SCMH1: variants seen among roughly 807,000 people sequenced by gnomAD.
SCMH1 encodes the protein polycomb protein SCMH1.
In SCMH1, 37 loss-of-function variants were observed where a neutral mutation model predicts 70.8. The observed-to-expected ratio is 0.52, with a 90% CI of 0.40 to 0.69. The LOEUF is 0.69. SCMH1 is among the 30% of genes least tolerant of loss of function. The pLI is 0.00. For missense variants in SCMH1, 607 were observed against 827.3 expected, an observed-to-expected ratio of 0.73 and a Z score of 3.27; for synonymous variants, 292 against 307.4, an observed-to-expected ratio of 0.95 and a Z score of 0.52.
At chr1:41,179,498 T>C (rs1383552849) in intron 2 of SCMH1, among the ~76,000 whole-genome samples, 2 of 150,840 alleles carry the variant, frequency 1.3e-5, no homozygotes, top group African/African-American at 4.9e-5. Flanking sequence ...GAGAGAAGAA[T>C]CAAATAGATG....
intron 8 of SCMH1, among the ~76,000 whole-genome samples, chr1:41,078,156 G>A (rs1658934740): frequency 6.6e-6 from 1 of 151,908 alleles, no homozygotes; most frequent in African/African-American, 2.4e-5. Context: ...CCAATAGAAA[G>A]GATTAATAAA....
chr1:41,098,267 T>A (rs1464791873), intron 8 of SCMH1, among the ~76,000 whole-genome samples: 1 of 152,254 alleles, frequency 6.6e-6, no homozygotes, highest in Non-Finnish European at 1.5e-5. Context: ...TTATTTATTA[T>A]CATACAAACA....
chr1:41,065,088 TAAG>T (rs907723092), intron 10 of SCMH1, among the ~76,000 whole-genome samples: 1 of 152,240 alleles, frequency 6.6e-6, no homozygotes, highest in Non-Finnish European at 1.5e-5. Context: ...TGTTCATGGA[TAAG>T]AAGACTTAAT....
chr1:41,110,122 C>T (rs1247665465), intron 8 of SCMH1, among the ~76,000 whole-genome samples: 1 of 152,198 alleles, frequency 6.6e-6, no homozygotes, highest in Non-Finnish European at 1.5e-5. Context: ...GTACTTGTTT[C>T]TTGCATCACA....
At chr1:41,101,222 T>C (rs759397294) in intron 8 of SCMH1, among the ~76,000 whole-genome samples, 1 of 152,232 alleles carries the variant, frequency 6.6e-6, no homozygotes, top group Non-Finnish European at 1.5e-5. Context: ...ACAGTATTTT[T>C]AGACATTTGT....
chr1:41,219,645 C>T (rs759710613), intron 1 of SCMH1, among the ~76,000 whole-genome samples: 7 of 152,132 alleles, frequency 4.6e-5, no homozygotes, highest in South Asian at 2.1e-4. Flanking sequence ...AATAGAAAAA[C>T]GTGGCCGGGC....
At chr1:41,179,737 A>G (rs1414019071) in intron 2 of SCMH1, among the ~76,000 whole-genome samples, 1 of 152,196 alleles carries the variant, frequency 6.6e-6, no homozygotes, top group African/African-American at 2.4e-5. Context: ...TTACCAACGA[A>G]AAAAAGTCCT....
intron 1 of SCMH1, among the ~76,000 whole-genome samples, chr1:41,207,317 T>G (rs1042909909): frequency 2.0e-5 from 3 of 151,976 alleles, no homozygotes; most frequent in Non-Finnish European, 2.9e-5. Context: ...GAGACACACA[T>G]GGGCTCAAAA....
intron 4 of SCMH1, chr1:41,159,679 A>C: frequency 6.6e-7 from 1 of 1,505,410 alleles, no homozygotes; most frequent in Non-Finnish European, 8.9e-7. Context: ...AGTTTTAAAG[A>C]ATAATAAAAA....
At chr1:41,053,779 T>C (rs1244658950) in intron 10 of SCMH1, among the ~76,000 whole-genome samples, 1 of 151,802 alleles carries the variant, frequency 6.6e-6, no homozygotes, top group African/African-American at 2.4e-5. Context: ...CCACACAGAG[T>C]GTCAGTGAAA....
intron 12 of SCMH1, among the ~76,000 whole-genome samples, chr1:41,041,092 T>G (rs927082832): frequency 6.6e-6 from 1 of 152,122 alleles, no homozygotes; most frequent in African/African-American, 2.4e-5. Context: ...TCCATGCTCA[T>G]AACCGAGCTT....
chr1:41,164,822 G>A (rs1363733739), intron 2 of SCMH1, among the ~76,000 whole-genome samples: 1 of 151,838 alleles, frequency 6.6e-6, no homozygotes, highest in Non-Finnish European at 1.5e-5. Context: ...TACACATTGT[G>A]GAATGATCAC....
At chr1:41,160,594 T>G (rs1390229134) in intron 4 of SCMH1, among the ~76,000 whole-genome samples, 4 of 152,186 alleles carry the variant, frequency 2.6e-5, no homozygotes, top group Non-Finnish European at 5.9e-5. Flanking sequence ...AGATGGTATT[T>G]CCAGTTTGGT....
chr1:41,068,055 G>GT, intron 10 of SCMH1, among the ~76,000 whole-genome samples: 1 of 152,322 alleles, frequency 6.6e-6, no homozygotes, highest in East Asian at 1.9e-4. Flanking sequence ...GGGAAGTAGA[G>GT]TATAAGCATT....
intron 8 of SCMH1, among the ~76,000 whole-genome samples, chr1:41,107,496 T>G (rs962359640): frequency 6.6e-6 from 1 of 151,790 alleles, no homozygotes; most frequent in Non-Finnish European, 1.5e-5. Flanking sequence ...TCTATCCTAG[T>G]TTTTCTCTCT....
intron 8 of SCMH1, among the ~76,000 whole-genome samples, chr1:41,090,484 T>C (rs879829397): frequency 1.3e-5 from 2 of 151,918 alleles, no homozygotes; most frequent in Non-Finnish European, 2.9e-5. Context: ...GGAGGAGTAC[T>C]GAAATAACCT....
rs547325268 is a variant in SCMH1 at position 41,240,561 on chromosome 1, A to T, written c.-118+1498T>A. On this transcript the variant is annotated intron_variant, in intron 1 of 14. Coordinates refer to ENST00000337495, the Ensembl canonical transcript of SCMH1. ...TAGGTCTCAATCCTTTTCAGAGTTT[A>T]AAAAAAAAAAAAGAGCTATTCTATT... Among the ~76,000 whole-genome samples, 20 of 113,198 alleles carry T rather than the reference A, an allele frequency of 1.8e-4. No individual in the cohort carries two copies. In the East Asian group the frequency reaches 5.3e-3, roughly 30 times the overall value. The allele number at this position is 113,198 out of a possible 152,430, so 74.3% of individuals were successfully genotyped here.
Position 41,107,725 on chromosome 1 carries a change from G to A in SCMH1, c.745+5558C>T, listed in dbSNP as rs187869328. Among the ~76,000 whole-genome samples, 6 of 152,210 alleles carry A rather than the reference G, an allele frequency of 3.9e-5. No homozygotes were observed. In the East Asian group the frequency reaches 5.8e-4, roughly 15 times the overall value. On this transcript the variant is annotated intron_variant, in intron 8 of 14. Coordinates refer to ENST00000337495, the Ensembl canonical transcript of SCMH1. ...AGTAGAGACGGGGTTTCACCATGTT[G>A]GCCAGGATGGTCTCGATCTCTTGAC...
At chr1:41,156,549 TC>T (rs1429396048) in intron 4 of SCMH1, among the ~76,000 whole-genome samples, 1 of 152,130 alleles carries the variant, frequency 6.6e-6, no homozygotes, top group Non-Finnish European at 1.5e-5. Context: ...AGCGATCCTC[TC>T]ATCTCAGCCT....
Sources: allele counts gnomAD v4.1 joint callset (sites outside exome capture counted in the v4.1 genomes callset), GRCh38; gene constraint gnomAD v4.1.1; transcripts MANE v1.5; gene names NCBI Gene and HGNC (gene_info 2026-07-23, HGNC 2026-07-21).